The following GRIK2 variants were observed in gnomAD, a reference collection of about 807,000 sequenced individuals.
GRIK2 encodes the protein glutamate receptor ionotropic, kainate 2.
GRIK2 carries 32 observed loss-of-function variants against 100.3 expected under a neutral mutation model. The observed-to-expected ratio is 0.32, with a 90% CI of 0.24 to 0.43. GRIK2 has a LOEUF of 0.43. GRIK2 is among the 20% of genes least tolerant of loss of function. GRIK2 has a pLI of 1.00. For missense variants in GRIK2, 843 were observed against 1,114.9 expected, an observed-to-expected ratio of 0.76 and a Z score of 3.47; for synonymous variants, 417 against 389.4, an observed-to-expected ratio of 1.07 and a Z score of -0.83.
intron 4 of GRIK2, among the ~76,000 whole-genome samples, chr6:101,634,457 G>T (rs762152904): frequency 5.3e-5 from 8 of 152,068 alleles, no homozygotes; most frequent in Non-Finnish European, 7.4e-5. Context: ...TCATTCAGTG[G>T]TATTGTATAT....
intron 2 of GRIK2, among the ~76,000 whole-genome samples, chr6:101,586,139 A>C (rs1778349426): frequency 6.6e-6 from 1 of 151,998 alleles, no homozygotes; most frequent in Non-Finnish European, 1.5e-5. Context: ...ATTCTCACCC[A>C]GGAATAAGAA....
chr6:101,901,354 T>C (rs1787835459), intron 12 of GRIK2, among the ~76,000 whole-genome samples: 1 of 152,016 alleles, frequency 6.6e-6, no homozygotes, highest in Admixed American at 6.6e-5. Flanking sequence ...TATTAAAAAA[T>C]AGAATCCAGT....
Position 101,870,758 on chromosome 6 carries a change from T to A in GRIK2, c.1524+11265T>A, listed in dbSNP as rs1052963037. Among the ~76,000 whole-genome samples, 12 of 151,770 alleles carry A rather than the reference T, an allele frequency of 7.9e-5. 1 individual carries two copies. Among genetic ancestry groups the A allele is most frequent in the African/African-American group, 2.9e-4 (12 of 41,274 alleles). On this transcript the variant is annotated intron_variant, in intron 11 of 16. Coordinates refer to ENST00000369134, the MANE Select transcript of GRIK2 (RefSeq NM_021956.5). ...AAGTTGGTAAACTTATTAACAGAGT[T>A]TTGAAGTAGAGCACTATGTCATAGC...
At chr6:101,449,236 A>G (rs1398245024) in intron 2 of GRIK2, among the ~76,000 whole-genome samples, 2 of 151,752 alleles carry the variant, frequency 1.3e-5, no homozygotes, top group Non-Finnish European at 3.0e-5. Context: ...CTGCCAAAAT[A>G]TTAACAAGTA....
chr6:101,755,154 CTTTTTGGTT>C (rs1777049716), intron 7 of GRIK2, among the ~76,000 whole-genome samples: 1 of 130,878 alleles, frequency 7.6e-6, no homozygotes, highest in Non-Finnish European at 1.7e-5. Context: ...TTTCTTTTTT[CTTTTTGGTT>C]TTTTTTTTTT....
rs569006959 is a variant in GRIK2, at chr6:101,523,876, C to A, written c.116-98073C>A. 2.0e-5 allele frequency among the ~76,000 whole-genome samples: 3 copies of A among 152,030 alleles called. No homozygotes were observed. The East Asian group carries it at 5.8e-4, about 29-fold the overall frequency. On this transcript the variant is annotated intron_variant, in intron 2 of 16. Coordinates refer to ENST00000369134, the MANE Select transcript of GRIK2 (RefSeq NM_021956.5). ...CTGGGATTACAGGTGCTCACCAGCA[C>A]GTGTGGCTAATTTTTATAGTTTTTT...
intron 7 of GRIK2, among the ~76,000 whole-genome samples, chr6:101,719,138 GTTTTTT>G (rs60301711): frequency 3.2e-4 from 32 of 101,122 alleles, no homozygotes; most frequent in African/African-American, 1.2e-3. Flanking sequence ...GGCTGCAAGG[GTTTTTT>G]TTTTTTTTTT....
intron 9 of GRIK2, among the ~76,000 whole-genome samples, chr6:101,805,127 G>C (rs567378681): frequency 2.3e-4 from 35 of 151,680 alleles, no homozygotes; most frequent in African/African-American, 8.5e-4. Context: ...CTTTTTTTCT[G>C]CCTAGAAAGT....
At chr6:101,669,657 C>T (rs1770284172) in intron 4 of GRIK2, among the ~76,000 whole-genome samples, 1 of 152,078 alleles carries the variant, frequency 6.6e-6, no homozygotes, top group African/African-American at 2.4e-5. Context: ...AATTTAAAAA[C>T]ATTGCTGCTA....
intron 2 of GRIK2, among the ~76,000 whole-genome samples, chr6:101,483,682 C>A (rs1458087502): frequency 6.6e-6 from 1 of 152,160 alleles, no homozygotes; most frequent in East Asian, 1.9e-4. Context: ...TCAAGCAATT[C>A]TCCCTGCCTC....
intron 15 of GRIK2, among the ~76,000 whole-genome samples, chr6:102,052,804 G>C (rs1771266077): frequency 6.6e-6 from 1 of 152,094 alleles, no homozygotes; most frequent in Admixed American, 6.6e-5. Flanking sequence ...AGAAATTACA[G>C]TCTGGGCACC....
chr6:101,551,937 G>A (rs193164345), intron 2 of GRIK2, among the ~76,000 whole-genome samples: 1 of 152,274 alleles, frequency 6.6e-6, no homozygotes, highest in Admixed American at 6.5e-5. Flanking sequence ...TAAAGCTTCT[G>A]CACCAAGCAT....
intron 12 of GRIK2, among the ~76,000 whole-genome samples, chr6:101,901,537 A>G (rs1025077422): frequency 6.6e-6 from 1 of 151,858 alleles, no homozygotes; most frequent in Non-Finnish European, 1.5e-5. Context: ...TCTCATAACA[A>G]TAAGGAATAA....
rs1204724100 is a variant in GRIK2 at position 101,802,452 on chromosome 6, C to T, written c.1203+14C>T. ...GGTCTAGAAAAGGTATTTCAGTGAG[C>T]TTATTTGCTTTAATTACTAAATGAA... is the stretch of plus-strand genomic sequence containing the variant. On this transcript the variant is annotated intron_variant, in intron 9 of 16. Transcript: ENST00000369134. 8.6e-7 allele frequency: 1 copy of T among 1,161,918 alleles called. No homozygotes were observed. Among genetic ancestry groups the T allele is most frequent in the Non-Finnish European group, 1.2e-6 (1 of 801,920 alleles). The allele number at this position is 1,161,918 out of a possible 1,614,324, so 72.0% of individuals were successfully genotyped here.
intron 2 of GRIK2, among the ~76,000 whole-genome samples, chr6:101,468,702 C>T (rs1214379059): frequency 6.6e-6 from 1 of 151,972 alleles, no homozygotes; most frequent in Non-Finnish European, 1.5e-5. Context: ...TTACTGGATC[C>T]TAGTATAACT....
intron 2 of GRIK2, among the ~76,000 whole-genome samples, chr6:101,583,322 T>C (rs992232819): frequency 6.6e-6 from 1 of 152,140 alleles, no homozygotes; most frequent in Non-Finnish European, 1.5e-5. Context: ...GTCAGGAAGA[T>C]GCACCAACTC....
At chr6:101,777,893 T>A in intron 7 of GRIK2, among the ~76,000 whole-genome samples, 1 of 152,164 alleles carries the variant, frequency 6.6e-6, no homozygotes, top group East Asian at 1.9e-4. Context: ...TTACTCACAT[T>A]CCTCTCCAGT....
At chr6:101,455,894 C>G (rs1340668548) in intron 2 of GRIK2, among the ~76,000 whole-genome samples, 1 of 152,008 alleles carries the variant, frequency 6.6e-6, no homozygotes, top group Non-Finnish European at 1.5e-5. Flanking sequence ...TAGATGTCAT[C>G]AGAACCAGAA....
chr6:101,837,362 T>G (rs1162562090), intron 10 of GRIK2, among the ~76,000 whole-genome samples: 1 of 152,166 alleles, frequency 6.6e-6, no homozygotes, highest in East Asian at 1.9e-4. Context: ...TATTGCAAAT[T>G]TGAAACCTGT....
Sources: allele counts gnomAD v4.1 joint callset (sites outside exome capture counted in the v4.1 genomes callset), GRCh38; gene constraint gnomAD v4.1.1; transcripts MANE v1.5; gene names NCBI Gene and HGNC (gene_info 2026-07-23, HGNC 2026-07-21).